The following RASSF5 variants were observed in gnomAD, a reference collection of about 807,000 sequenced individuals.
The protein encoded by RASSF5 is ras association domain-containing protein 5.
RASSF5 carries 25 observed loss-of-function variants against 40.5 expected under a neutral mutation model. That is an observed-to-expected ratio of 0.62 (90% confidence interval 0.45 to 0.86). The LOEUF (loss-of-function observed/expected upper bound fraction) is 0.86. Ranked by LOEUF, RASSF5 falls within the 40% of genes least tolerant of loss-of-function variation. The pLI is 0.00. For missense variants in RASSF5, 521 were observed against 572.8 expected, an observed-to-expected ratio of 0.91 and a Z score of 0.92; for synonymous variants, 246 against 252.4, an observed-to-expected ratio of 0.97 and a Z score of 0.24.
Position 206,524,673 on chromosome 1 carries a change from A to C in RASSF5, c.458-13499A>C, listed in dbSNP as rs951904999. On this transcript the variant is annotated intron_variant, in intron 1 of 5. Transcript: ENST00000579436. ...ATATATTATGTATAATATATATTAT[A>C]TATAATATATATTTAATATATTATA... 1.1e-4 allele frequency among the ~76,000 whole-genome samples: 15 copies of C among 132,232 alleles called. 1 individual carries two copies. Among genetic ancestry groups the C allele is most frequent in the Non-Finnish European group, 1.9e-4 (12 of 63,880 alleles). The allele number at this position is 132,232 out of a possible 152,430, so 86.7% of individuals were successfully genotyped here.
At chr1:206,574,848 A>G (rs1220030041) in intron 2 of RASSF5, among the ~76,000 whole-genome samples, 1 of 144,760 alleles carries the variant, frequency 6.9e-6, no homozygotes, top group Non-Finnish European at 1.5e-5. Context: ...CAAAGGGACC[A>G]ATGACTTTTT....
In RASSF5 at chr1:206,523,430, ATATAT is replaced by A. The variant is rs1558497935; in HGVS notation, c.458-14740_458-14736del. 5.4e-5 allele frequency among the ~76,000 whole-genome samples: 6 copies of A among 111,398 alleles called. No individual in the cohort carries two copies. In the East Asian group the frequency reaches 1.3e-3, roughly 25 times the overall value. The allele number at this position is 111,398 out of a possible 152,430, so 73.1% of individuals were successfully genotyped here. ...AATATTATATATTATATATTATATA[ATATAT>A]TTTATATATAATATATAATATATTA... On this transcript the variant is annotated intron_variant, in intron 1 of 5. Transcript: ENST00000579436.
At chr1:206,555,469 T>C (rs538889045) in intron 2 of RASSF5, among the ~76,000 whole-genome samples, 34 of 152,148 alleles carry the variant, frequency 2.2e-4, no homozygotes, top group African/African-American at 7.0e-4. Context: ...TGAGCTGTTA[T>C]TGATGGCCCA....
chr1:206,539,866 T>C (rs1667501653), intron 2 of RASSF5, among the ~76,000 whole-genome samples: 1 of 152,204 alleles, frequency 6.6e-6, no homozygotes, highest in African/African-American at 2.4e-5. Flanking sequence ...AACAACCTTT[T>C]CTGGTCTCAA....
chr1:206,576,368 T>C (rs536661887), intron 2 of RASSF5, among the ~76,000 whole-genome samples: 26 of 152,318 alleles, frequency 1.7e-4, no homozygotes, highest in African/African-American at 6.0e-4. Context: ...GGGGTGAGCC[T>C]AGCTGTCTAC....
chr1:206,508,056 A>C lies in RASSF5; in HGVS notation c.454A>C (p.Thr152Pro), dbSNP rs1553394128. ...GGTGCTGCGGCAGGCGCTGCGCTGC[A>C]CTAGTAAGTGTGAAGGCAGGGGAGG... ...REVLRQALRC[T>P]NCKFTCHPEC... Residue 152 changes from threonine to proline, a missense_variant, in exon 1 of 6, where the codon ACT (threonine) becomes CCT (proline). Transcript: ENST00000579436. 7.2e-7 allele frequency: 1 copy of C among 1,393,268 alleles called. No individual in the cohort carries two copies. Among genetic ancestry groups the C allele is most frequent in the Admixed American group, 2.9e-5 (1 of 34,304 alleles). The allele number at this position is 1,393,268 out of a possible 1,614,324, so 86.3% of individuals were successfully genotyped here. A position where few individuals can be genotyped will look rare whatever the true frequency, so the allele number is the denominator to read the frequency against.
At chr1:206,524,283 T>C (rs564669796) in intron 1 of RASSF5, among the ~76,000 whole-genome samples, 40 of 140,056 alleles carry the variant, frequency 2.9e-4, no homozygotes, top group East Asian at 8.0e-4. Context: ...ATACATTTTA[T>C]ATATATTATA....
intron 2 of RASSF5, among the ~76,000 whole-genome samples, chr1:206,561,363 C>T (rs907790495): frequency 1.1e-4 from 17 of 152,316 alleles, no homozygotes; most frequent in African/African-American, 4.1e-4. Context: ...GAACCTTCTA[C>T]AAAATGGAAC....
At chr1:206,575,692 T>C (rs1315449653) in intron 2 of RASSF5, among the ~76,000 whole-genome samples, 1 of 152,196 alleles carries the variant, frequency 6.6e-6, no homozygotes, top group Admixed American at 6.5e-5. Flanking sequence ...TGTAAAATCT[T>C]AGTCCTGCGA....
At chr1:206,556,564 A>T (rs1553401780) in intron 2 of RASSF5, among the ~76,000 whole-genome samples, 1 of 152,198 alleles carries the variant, frequency 6.6e-6, no homozygotes, top group East Asian at 1.9e-4. Flanking sequence ...TATCCGGAAG[A>T]TACACAGATG....
rs1298079325 is a variant in RASSF5, at chr1:206,575,547, T to C, written c.580-7722T>C. Among the ~76,000 whole-genome samples the C allele has an allele frequency of 7.2e-5, 11 of 152,264 alleles. No homozygotes were observed. In the South Asian group the frequency reaches 2.1e-3, roughly 29 times the overall value. On this transcript the variant is annotated intron_variant, in intron 2 of 5. Transcript: ENST00000579436. ...TCGTGGCGGTTAGAAATGTTCTTTG[T>C]GCTCCTTTAGATTGGTTATTCCTGC...
intron 2 of RASSF5, among the ~76,000 whole-genome samples, chr1:206,549,552 T>TC (rs1304708071): frequency 6.6e-6 from 1 of 152,124 alleles, no homozygotes; most frequent in Non-Finnish European, 1.5e-5. Context: ...CCTCAAGTGA[T>TC]CCTCCCACTT....
intron 1 of RASSF5, among the ~76,000 whole-genome samples, chr1:206,517,959 G>A (rs1666793679): frequency 6.6e-6 from 1 of 152,098 alleles, no homozygotes; most frequent in African/African-American, 2.4e-5. Flanking sequence ...TACAGCTGGT[G>A]AAGCATTAGT....
intron 2 of RASSF5, among the ~76,000 whole-genome samples, chr1:206,538,583 A>G (rs60154000): frequency 0.048 from 7,285 of 152,282 alleles, 624 homozygotes; most frequent in African/African-American, 0.17. Flanking sequence ...GGTGGCTTCC[A>G]GAGAAGCCTT....
At position 206,560,734 on chromosome 1, in the gene RASSF5, G is replaced by C. The variant is rs1485365986; in HGVS notation, c.579+22441G>C. On this transcript the variant is annotated intron_variant, in intron 2 of 5. Coordinates refer to ENST00000579436, the MANE Select transcript of RASSF5 (RefSeq NM_182663.4). The surrounding 1 kb of genome is among the most constrained non-coding windows in gnomAD (Gnocchi z 5.1). ...ACCATCATAGTTACCTCAATCTAAGGTGTTGCCTAGATGGGTAGGGGGACT... is the reference window on the plus strand; with the variant it reads ...ACCATCATAGTTACCTCAATCTAAGCTGTTGCCTAGATGGGTAGGGGGACT... Among the ~76,000 whole-genome samples, 1 of 152,198 alleles carries C rather than the reference G, an allele frequency of 6.6e-6. No homozygotes were observed. Among genetic ancestry groups the C allele is most frequent in the Non-Finnish European group, 1.5e-5 (1 of 68,044 alleles).
chr1:206,560,488 G>T lies in RASSF5; in HGVS notation c.579+22195G>T, dbSNP rs1553402429. Among the ~76,000 whole-genome samples the T allele has an allele frequency of 1.3e-5, 2 of 152,192 alleles. No individual in the cohort carries two copies. Among genetic ancestry groups the T allele is most frequent in the Non-Finnish European group, 2.9e-5 (2 of 68,020 alleles). On this transcript the variant is annotated intron_variant, in intron 2 of 5. Transcript: ENST00000579436. The surrounding 1 kb of genome is among the most constrained non-coding windows in gnomAD (Gnocchi z 5.1). ...GCTTGGTCTCTCTTTTCAGAAAATG[G>T]CAGTTTCCTGGGGCCACGTGCCTCC...
chr1:206,587,362 C>T lies in RASSF5; in HGVS notation c.*384C>T, dbSNP rs7541507. 0.65 allele frequency: 202,692 copies of T among 311,488 alleles called. 66,502 individuals are homozygous for T. Among genetic ancestry groups the T allele is most frequent in the African/African-American group, 0.74 (33,440 of 45,494 alleles). 19.3% of individuals were successfully genotyped at this position (311,488 alleles called of 1,614,324 possible). A position where few individuals can be genotyped will look rare whatever the true frequency, so the allele number is the denominator to read the frequency against. On this transcript the variant is annotated 3_prime_UTR_variant, in exon 6 of 6. Transcript: ENST00000579436. The stretch of plus-strand genomic sequence containing the variant: ...TGTGTTCTTTCTCTGGCATTGATTC[C>T]TCTTTGAGTTCTCTTACTTGCCACG...
intron 2 of RASSF5, among the ~76,000 whole-genome samples, chr1:206,555,671 G>A (rs1290482203): frequency 6.6e-6 from 1 of 152,216 alleles, no homozygotes; most frequent in Non-Finnish European, 1.5e-5. Context: ...GCCTGCCAGA[G>A]AAGACAGCTA....
chr1:206,559,799 T>C (rs1478329823), intron 2 of RASSF5, among the ~76,000 whole-genome samples: 1 of 152,168 alleles, frequency 6.6e-6, no homozygotes, highest in Non-Finnish European at 1.5e-5. Flanking sequence ...TCAGGGACAG[T>C]GTTCCTCAGC....
Sources: gnomAD v4.1 joint callset for allele counts (sites outside exome capture counted in the v4.1 genomes callset) on GRCh38, gnomAD v4.1.1 for gene constraint, Gnocchi (gnomAD v3.1) non-coding constraint, MANE v1.5 for transcripts, NCBI Gene and HGNC (gene_info 2026-07-23, HGNC 2026-07-21) for gene names.